NLRP5: variants seen among roughly 807,000 people sequenced by gnomAD.
NLRP5 encodes the protein NACHT, LRR and PYD domains-containing protein 5.
Under a neutral mutation model 113.1 loss-of-function variants are expected in NLRP5, and 93 were observed. The observed-to-expected ratio is 0.82, with a 90% CI of 0.70 to 0.98. The LOEUF is 0.98. Ranked by LOEUF, NLRP5 falls within the 50% of genes least tolerant of loss-of-function variation. NLRP5 has a pLI of 0.00. For missense variants in NLRP5, 1,808 were observed against 1,514.3 expected (o/e 1.19, Z -3.22); for synonymous variants, 751 against 600.7 (o/e 1.25, Z -3.66).
At position 56,008,736 on chromosome 19, in the gene NLRP5, G is replaced by A. The variant is rs192184948; in HGVS notation, c.443-52G>A. 207 of 1,489,800 alleles carry A rather than the reference G, an allele frequency of 1.4e-4. No homozygotes were observed. In the African/African-American group the frequency reaches 2.4e-3, roughly 17 times the overall value. 92.3% of individuals were successfully genotyped at this position (1,489,800 alleles called of 1,614,324 possible). ...CGGGACATTCTTATCCTTGGCTTGGGTAATTACAGTGACTTCATTGAGGCC... is the reference window on the plus strand; with the variant it reads ...CGGGACATTCTTATCCTTGGCTTGGATAATTACAGTGACTTCATTGAGGCC... On this transcript the variant is annotated intron_variant, in intron 2 of 14. Transcript: ENST00000390649.
intron 11 of NLRP5, among the ~76,000 whole-genome samples, chr19:56,047,982 TTTGTCTCCTTAACTGCTG>T (rs1440620086): frequency 1.3e-5 from 2 of 152,240 alleles, no homozygotes; most frequent in East Asian, 3.8e-4. Flanking sequence ...AATGTCCCTT[TTTGTCTCCTTAACTGCTG>T]TTGCTTTAAC....
chr19:55,996,510 C>T (rs140455775), upstream of NLRP5, among the ~76,000 whole-genome samples: 16 of 152,236 alleles, frequency 1.1e-4, no homozygotes, highest in East Asian at 3.9e-4. Flanking sequence ...CAACAGTCCC[C>T]GGTGTGTGAC....
At chr19:56,030,070 C>T (rs998108605) in intron 7 of NLRP5, among the ~76,000 whole-genome samples, 2 of 128,048 alleles carry the variant, frequency 1.6e-5, no homozygotes, top group Non-Finnish European at 3.7e-5. Context: ...ATAAAAAAAG[C>T]CTCAAATTAT....
At chr19:56,042,969 ATG>A (rs80248924) in intron 11 of NLRP5, among the ~76,000 whole-genome samples, 41,347 of 151,342 alleles carry the variant, frequency 0.27, 5,709 homozygotes, top group African/African-American at 0.31. Flanking sequence ...TCATATATGT[ATG>A]TGTGTGTGTG....
chr19:56,022,258 C>T (rs767616504), intron 6 of NLRP5, among the ~76,000 whole-genome samples: 8 of 152,162 alleles, frequency 5.3e-5, no homozygotes, highest in Non-Finnish European at 4.4e-5. Context: ...CTTGCTGTGT[C>T]GCCCAGGCTG....
upstream of NLRP5, among the ~76,000 whole-genome samples, chr19:55,998,708 G>GTATATATATATATGTGTATATATATATA (rs1429404937): frequency 3.4e-5 from 2 of 59,350 alleles, no homozygotes; most frequent in African/African-American, 8.1e-5. Flanking sequence ...ATATATGTGT[G>GTATATATATATATGTGTATATATATATA]TGTGTGTATA....
the NLRP5 span, among the ~76,000 whole-genome samples, chr19:55,989,675 G>A: frequency 5.3e-5 from 8 of 152,164 alleles, no homozygotes; most frequent in Admixed American, 3.9e-4. Context: ...TTCTGCGCAC[G>A]TGTATGGCAT....
intron 11 of NLRP5, among the ~76,000 whole-genome samples, chr19:56,042,719 C>T (rs2123325650): frequency 6.6e-6 from 1 of 152,320 alleles, no homozygotes; most frequent in South Asian, 2.1e-4. Context: ...GTACACTGCA[C>T]CATGTTTGAA....
chr19:56,001,447 TACTTGAA>T (rs1981648548), intron 1 of NLRP5, among the ~76,000 whole-genome samples: 7 of 34,224 alleles, frequency 2.0e-4, no homozygotes, highest in African/African-American at 7.5e-4. Context: ...CTCTCCTAAT[TACTTGAA>T]ATTTTATAAT....
At chr19:56,024,584 T>C (rs113882808) in intron 6 of NLRP5, among the ~76,000 whole-genome samples, 41 of 147,312 alleles carry the variant, frequency 2.8e-4, no homozygotes, top group East Asian at 1.8e-3. Context: ...TATATATACA[T>C]ACACACACAC....
rs748240899 is a variant in NLRP5 at position 56,003,926 on chromosome 19, G to T, written c.273G>T (p.Ser91=). ...TACTAAAGAAGAAATCTTCAGAATCGACCACATGCTCTATTCCACAGTTTG... is the reference window on the plus strand; with the variant it reads ...TACTAAAGAAGAAATCTTCAGAATCTACCACATGCTCTATTCCACAGTTTG... Residue 91 remains serine, a synonymous_variant, in exon 2 of 15, where the codon TCG becomes TCT. Transcript: ENST00000390649. 1.9e-6 allele frequency: 3 copies of T among 1,613,794 alleles called. No homozygotes were observed. In the Admixed American group the frequency reaches 5.0e-5, roughly 27 times the overall value.
chr19:56,012,154 CTT>C (rs1982219676), intron 3 of NLRP5, among the ~76,000 whole-genome samples: 1 of 150,940 alleles, frequency 6.6e-6, no homozygotes. Flanking sequence ...TGCTTTTTTT[CTT>C]TTTTCTTTCT....
intron 4 of NLRP5, among the ~76,000 whole-genome samples, chr19:56,016,497 A>C (rs1982408179): frequency 6.6e-6 from 1 of 152,126 alleles, no homozygotes; most frequent in Admixed American, 6.6e-5. Flanking sequence ...TTTGAAATAG[A>C]CTTTGTTATT....
rs2123287584 is a variant in NLRP5 at position 56,015,880 on chromosome 19, G to GA, written c.565+85dup. 11 of 1,026,220 alleles carry GA rather than the reference G, an allele frequency of 1.1e-5. No homozygotes were observed. The Middle Eastern group carries it at 6.4e-4, about 60-fold the overall frequency. The allele number at this position is 1,026,220 out of a possible 1,614,324, so 63.6% of individuals were successfully genotyped here. ...AAGTTCATGTAGTTCAAAGGACGGGGAAATCCACTTTCCCTTTCTTCATCC... is the reference window on the plus strand; with the variant it reads ...AAGTTCATGTAGTTCAAAGGACGGGGAAAATCCACTTTCCCTTTCTTCATCC... On this transcript the variant is annotated intron_variant, in intron 4 of 14. Coordinates refer to ENST00000390649, the MANE Select transcript of NLRP5 (RefSeq NM_153447.4).
At position 56,017,128 on chromosome 19, in the gene NLRP5, A is replaced by AGGCT. The variant is rs578051041; in HGVS notation, c.565+1332_565+1335dup. On this transcript the variant is annotated intron_variant, in intron 4 of 14. Transcript: ENST00000390649. Reference sequence around the variant, plus strand: ...GGCCAAAATCCTTTTCATTTCTTTAAGGCTGTTAGTTGTGACCCTCTTTCA... The same window carrying AGGCT: ...GGCCAAAATCCTTTTCATTTCTTTAAGGCTGGCTGTTAGTTGTGACCCTCTTTCA... 8.0e-4 allele frequency among the ~76,000 whole-genome samples: 122 copies of AGGCT among 152,202 alleles called. No individual in the cohort carries two copies. In the Middle Eastern group the frequency reaches 0.01, roughly 13 times the overall value.
At chr19:55,988,445 T>C in the NLRP5 span, 6 of 97,280 alleles carry the variant, frequency 6.2e-5, no homozygotes, top group Admixed American at 6.0e-4. Flanking sequence ...TGTGTGTGTG[T>C]ATATATATAT....
intron 13 of NLRP5, among the ~76,000 whole-genome samples, chr19:56,055,672 A>G (rs1984115042): frequency 1.3e-5 from 2 of 149,370 alleles, no homozygotes; most frequent in Admixed American, 6.7e-5. Flanking sequence ...CAGCCTCCCA[A>G]GTAGCTGGGA....
chr19:56,032,789 T>G lies in NLRP5; in HGVS notation c.2447+8T>G. On this transcript the variant is annotated splice_region_variant and intron_variant, in intron 8 of 14. Transcript: ENST00000390649. ...CAAGATACAGACCCTGATGTAAGGC[T>G]GCCCGCCCCCTACGAGAGAATCCCT... 6.3e-7 allele frequency: 1 copy of G among 1,598,886 alleles called. No individual in the cohort carries two copies. The highest frequency in any genetic ancestry group is 8.5e-7 in the Non-Finnish European group (1 of 1,171,838).
the NLRP5 span, among the ~76,000 whole-genome samples, chr19:55,989,445 G>C: frequency 1.6e-4 from 25 of 152,084 alleles, no homozygotes; most frequent in African/African-American, 5.8e-4. Flanking sequence ...TAGAGACGGG[G>C]TTTCCCCATG....
Sources: gnomAD v4.1 joint callset for allele counts (sites outside exome capture counted in the v4.1 genomes callset) on GRCh38, gnomAD v4.1.1 for gene constraint, MANE v1.5 for transcripts, NCBI Gene and HGNC (gene_info 2026-07-23, HGNC 2026-07-21) for gene names.